The following SMAD1 variants were observed in gnomAD, a reference collection of about 807,000 sequenced individuals.
SMAD1 encodes MAD, mothers against decapentaplegic homolog 1.
SMAD1 carries 6 observed loss-of-function variants against 41.6 expected under a neutral mutation model. The observed-to-expected ratio is 0.14, with a 90% confidence interval of 0.08 to 0.28. The LOEUF is 0.28. SMAD1 is among the 10% of genes least tolerant of loss of function. SMAD1 has a pLI of 1.00. For missense variants in SMAD1, 379 were observed against 582.6 expected, an observed-to-expected ratio of 0.65 and a Z score of 3.60; for synonymous variants, 206 against 203.2, an observed-to-expected ratio of 1.01 and a Z score of -0.12.
chr4:145,541,885 G>A (rs968331204), intron 3 of SMAD1, among the ~76,000 whole-genome samples: 2 of 152,196 alleles, frequency 1.3e-5, no homozygotes, highest in Non-Finnish European at 2.9e-5. Context: ...TTAAGAAAAT[G>A]CAAGACTTGT....
chr4:145,512,436 C>G (rs1342971583), intron 1 of SMAD1, among the ~76,000 whole-genome samples: 3 of 151,926 alleles, frequency 2.0e-5, no homozygotes, highest in African/African-American at 7.2e-5. Flanking sequence ...TCATTTTTTC[C>G]CTCTCTTTGC....
rs146960039 is a variant in SMAD1, at chr4:145,542,588, C to T, written c.665C>T (p.Thr222Met). The T allele has an allele frequency of 1.6e-5, 26 of 1,599,606 alleles. No homozygotes were observed. Among genetic ancestry groups the T allele is most frequent in the Admixed American group, 3.5e-5 (2 of 57,424 alleles). ...TTCTTTAAAAACTTTGTAGCTGATA[C>T]GCCCCCACCTGCTTACCTGCCTCCT... is the stretch of plus-strand genomic sequence containing the variant. ...PGSPFQMPAD[T>M]PPPAYLPPED... The change falls in exon 4 of 7, where the codon ACG becomes ATG. Residue 222 changes from threonine to methionine, a missense_variant. Physicochemically the swap from Thr to Met is moderately conservative, Grantham distance 81 (BLOSUM62 -1). Transcript: ENST00000302085.
At chr4:145,489,804 A>G (rs1472860287) in intron 1 of SMAD1, among the ~76,000 whole-genome samples, 1 of 152,190 alleles carries the variant, frequency 6.6e-6, no homozygotes, top group African/African-American at 2.4e-5. Flanking sequence ...GACAACCACA[A>G]AGAGAGAAAG....
At position 145,542,654 on chromosome 4, in the gene SMAD1, C is replaced by T. The variant is rs1199617673; in HGVS notation, c.731C>T (p.Thr244Ile). 1.9e-6 allele frequency: 3 copies of T among 1,613,394 alleles called. No individual in the cohort carries two copies. Among genetic ancestry groups the T allele is most frequent in the East Asian group, 4.5e-5 (2 of 44,820 alleles). ...MTQDGSQPMDTNMMAPPLPSE... is the reference protein window; with the variant it reads ...MTQDGSQPMDINMMAPPLPSE... ...CAGGATGGCTCTCAGCCGATGGACA[C>T]AAACATGATGGCGCCTCCCCTGCCC... Residue 244 changes from threonine (T) to isoleucine (I), a missense_variant, in exon 4 of 7, where the codon ACA (threonine) becomes ATA (isoleucine). Physicochemically the swap from Thr to Ile is moderately conservative, Grantham distance 89. This residue lies in a region of SMAD1 where 208 missense variants were observed against 210.5 expected (regional missense o/e 0.99). Coordinates refer to ENST00000302085, the MANE Select transcript of SMAD1 (RefSeq NM_005900.3).
intron 3 of SMAD1, among the ~76,000 whole-genome samples, chr4:145,540,491 G>T (rs1036172468): frequency 3.9e-5 from 6 of 152,072 alleles, no homozygotes; most frequent in Non-Finnish European, 1.5e-5. Flanking sequence ...ATTTCCTGAG[G>T]GATCCCACCC....
upstream of SMAD1, among the ~76,000 whole-genome samples, chr4:145,480,984 G>T (rs1728151486): frequency 1.4e-5 from 2 of 141,358 alleles, no homozygotes; most frequent in African/African-American, 5.3e-5. Flanking sequence ...TTTTCTAAAC[G>T]TAACTCAACA....
At chr4:145,495,994 A>T (rs527890930) in intron 1 of SMAD1, among the ~76,000 whole-genome samples, 1 of 152,168 alleles carries the variant, frequency 6.6e-6, no homozygotes, top group African/African-American at 2.4e-5. Context: ...ATTTGAACAC[A>T]TACAAGAGCT....
chr4:145,549,308 A>G, intron 5 of SMAD1, among the ~76,000 whole-genome samples: 1 of 152,352 alleles, frequency 6.6e-6, no homozygotes, highest in African/African-American at 2.4e-5. Flanking sequence ...ATTGCCAACT[A>G]TACTATGGCT....
Position 145,540,077 on chromosome 4 carries a change from C to T in SMAD1, c.658+16C>T. 1 of 1,613,756 alleles carries T rather than the reference C, an allele frequency of 6.2e-7. No individual in the cohort carries two copies. Among genetic ancestry groups the T allele is most frequent in the South Asian group, 1.1e-5 (1 of 91,054 alleles). On this transcript the variant is annotated intron_variant, in intron 3 of 6. Transcript: ENST00000302085. ...CAGATGCCAGGTAGGTTGGAATGTT[C>T]AGTGATGTTCTGTAGTCATATCAGA...
At chr4:145,496,586 G>C (rs958834008) in intron 1 of SMAD1, among the ~76,000 whole-genome samples, 44 of 152,192 alleles carry the variant, frequency 2.9e-4, no homozygotes, top group African/African-American at 9.4e-4. Context: ...ACCAAAAGTG[G>C]ATAGAAAATA....
chr4:145,530,891 G>C (rs753001907), intron 2 of SMAD1, among the ~76,000 whole-genome samples: 6 of 152,308 alleles, frequency 3.9e-5, no homozygotes, highest in Non-Finnish European at 8.8e-5. Context: ...ACCTTGCATG[G>C]GTTACTTAGC....
At position 145,540,014 on chromosome 4, in the gene SMAD1, C is replaced by T. The variant is rs1731832264; in HGVS notation, c.611C>T (p.Pro204Leu). The change falls in exon 3 of 7, where the codon CCT becomes CTT. Residue 204 changes from proline (P) to leucine (L), a missense_variant. Pro to Leu is a moderately conservative substitution (Grantham distance 98, BLOSUM62 -3). This residue lies in a region of SMAD1 where 208 missense variants were observed against 210.5 expected (regional missense o/e 0.99). Coordinates refer to ENST00000302085, the MANE Select transcript of SMAD1 (RefSeq NM_005900.3). Reference sequence around the variant, plus strand: ...CCTGGGAGCAGCAGCAGCACCTACCCTCACTCTCCCACCAGCTCAGACCCA... The same window carrying T: ...CCTGGGAGCAGCAGCAGCACCTACCTTCACTCTCCCACCAGCTCAGACCCA... Reference protein sequence around the residue: ...NSPGSSSSTYPHSPTSSDPGS... With the variant: ...NSPGSSSSTYLHSPTSSDPGS... 6.2e-7 allele frequency: 1 copy of T among 1,614,146 alleles called. No individual in the cohort carries two copies. Among genetic ancestry groups the T allele is most frequent in the Non-Finnish European group, 8.5e-7 (1 of 1,180,008 alleles).
chr4:145,482,881 C>T lies in SMAD1; in HGVS notation c.-177+843C>T, dbSNP rs1728272325. Reference sequence around the variant, plus strand: ...GCTCCCTGTCTTTGTTAGTGTTTCTCGGGGTTGTTTCTGTAGGAAGGTGGG... The same window carrying T: ...GCTCCCTGTCTTTGTTAGTGTTTCTTGGGGTTGTTTCTGTAGGAAGGTGGG... On this transcript the variant is annotated intron_variant, in intron 1 of 6. Transcript: ENST00000302085. The surrounding 1 kb of genome is among the most constrained non-coding windows in gnomAD (Gnocchi z 4.2). 6.6e-6 allele frequency: 1 copy of T among 152,150 alleles called. No homozygotes were observed. Among genetic ancestry groups the T allele is most frequent in the African/African-American group, 2.4e-5 (1 of 41,362 alleles). The allele number at this position is 152,150 out of a possible 1,614,324, so 9.4% of individuals were successfully genotyped here.
At chr4:145,502,399 A>T (rs117024838) in intron 1 of SMAD1, among the ~76,000 whole-genome samples, 103 of 152,366 alleles carry the variant, frequency 6.8e-4, no homozygotes, top group African/African-American at 2.4e-3. Context: ...AGAAAAGCCA[A>T]CTTTGTTTGT....
intron 5 of SMAD1, 34 bp from the exon 6 acceptor site, chr4:145,553,750 T>C: frequency 6.3e-7 from 1 of 1,595,144 alleles, no homozygotes; most frequent in South Asian, 1.1e-5. Flanking sequence ...TAAAAATTAA[T>C]AATAACTAAA....
chr4:145,528,088 C>CACACAT lies in SMAD1; in HGVS notation c.401-11710_401-11705dup, dbSNP rs1320505250. On this transcript the variant is annotated intron_variant, in intron 2 of 6. Transcript: ENST00000302085. ...ACACACACACACACACACACACACA[C>CACACAT]ACACATACACACACATATATTTTTT... 5.0e-5 allele frequency among the ~76,000 whole-genome samples: 7 copies of CACACAT among 140,696 alleles called. No individual in the cohort carries two copies. In the South Asian group the frequency reaches 1.6e-3, roughly 33 times the overall value. The allele number at this position is 140,696 out of a possible 152,430, so 92.3% of individuals were successfully genotyped here. A position where few individuals can be genotyped will look rare whatever the true frequency, so the allele number is the denominator to read the frequency against.
chr4:145,488,387 T>C (rs1182953615), intron 1 of SMAD1, among the ~76,000 whole-genome samples: 1 of 152,148 alleles, frequency 6.6e-6, no homozygotes, highest in Non-Finnish European at 1.5e-5. Context: ...ATTGTAGGGC[T>C]GCTGTACTGT....
At position 145,514,442 on chromosome 4, in the gene SMAD1, T is replaced by C; in HGVS notation, c.-172T>C. The C allele has an allele frequency of 1.7e-6, 1 of 577,730 alleles. No individual in the cohort carries two copies. Among genetic ancestry groups the C allele is most frequent in the Non-Finnish European group, 3.0e-6 (1 of 338,858 alleles). The allele number at this position is 577,730 out of a possible 1,614,324, so 35.8% of individuals were successfully genotyped here. ...CATTCTTTTTTTGTTTTGTAGGTGCTGACTGGGTTACTTTTTTAAACACTA... is the reference window on the plus strand; with the variant it reads ...CATTCTTTTTTTGTTTTGTAGGTGCCGACTGGGTTACTTTTTTAAACACTA... On this transcript the variant is annotated 5_prime_UTR_variant, in exon 2 of 7. Transcript: ENST00000302085. This position sits in a 1 kb window ranked among gnomAD's most constrained non-coding sequence, Gnocchi z 4.7.
At chr4:145,508,673 C>T (rs931962374) in intron 1 of SMAD1, among the ~76,000 whole-genome samples, 7 of 152,110 alleles carry the variant, frequency 4.6e-5, no homozygotes, top group South Asian at 4.2e-4. Context: ...TTTCCTTTTC[C>T]GTTTTTATAT....
Sources: allele counts gnomAD v4.1 joint callset (sites outside exome capture counted in the v4.1 genomes callset), GRCh38; gene constraint gnomAD v4.1.1; regional missense constraint gnomAD v4.1.1; non-coding constraint Gnocchi (gnomAD v3.1); transcripts MANE v1.5; gene names NCBI Gene and HGNC (gene_info 2026-07-23, HGNC 2026-07-21).